DYNC2I1: variants seen among roughly 807,000 people sequenced by gnomAD.
DYNC2I1 encodes the protein dynein 2 intermediate chain 1.
In DYNC2I1, 89 loss-of-function variants were observed where a neutral mutation model predicts 133.4. The ratio of observed to expected loss-of-function variants is 0.67; its 90% confidence interval spans 0.56 to 0.80. The LOEUF (loss-of-function observed/expected upper bound fraction) is 0.80. Ranked by LOEUF, DYNC2I1 falls within the 30% of genes least tolerant of loss-of-function variation. The pLI, the probability that DYNC2I1 is intolerant of heterozygous loss-of-function variation, is 0.00. For synonymous variants in DYNC2I1, 504 were observed against 484.3 expected (o/e 1.04, Z -0.54); for missense variants, 1,291 against 1,314.5 (o/e 0.98, Z 0.28).
Position 158,955,221 on chromosome 7 carries a change from G to C in DYNC2I1, c.*57-1362G>C, listed in dbSNP as rs546372795. Among the ~76,000 whole-genome samples, 46 of 152,308 alleles carry C rather than the reference G, an allele frequency of 3.0e-4. No individual in the cohort carries two copies. In the South Asian group the frequency reaches 8.9e-3, roughly 30 times the overall value. ...TAACACTTTACTCTCTGTTCATGCC[G>C]TCTCTGCCCAGGCTGGTGCAGGAGA... is the stretch of plus-strand genomic sequence containing the variant. On this transcript the variant is annotated intron_variant and NMD_transcript_variant, in intron 4 of 4. Coordinates refer to the DYNC2I1 transcript ENST00000454771.
At chr7:158,940,943 C>T (rs1239417398) in intron 23 of DYNC2I1, among the ~76,000 whole-genome samples, 3 of 151,904 alleles carry the variant, frequency 2.0e-5, no homozygotes, top group Non-Finnish European at 4.4e-5. Flanking sequence ...CAAGAACAAA[C>T]CAAACTCAAA....
chr7:158,937,908 A>C (rs756331868), intron 23 of DYNC2I1, among the ~76,000 whole-genome samples: 6 of 152,186 alleles, frequency 3.9e-5, no homozygotes, highest in Non-Finnish European at 8.8e-5. Context: ...CTAAAAAGAA[A>C]AAAGAAAGGA....
chr7:158,955,318 C>T (rs1852172469), intron 4 of DYNC2I1, among the ~76,000 whole-genome samples: 2 of 152,166 alleles, frequency 1.3e-5, no homozygotes, highest in African/African-American at 2.4e-5. Context: ...CTGCAGGGAT[C>T]GCAGCTCTGA....
At chr7:158,877,056 G>A (rs1843421751) in intron 4 of DYNC2I1, among the ~76,000 whole-genome samples, 1 of 152,216 alleles carries the variant, frequency 6.6e-6, no homozygotes, top group Admixed American at 6.5e-5. Flanking sequence ...TGTTTTATAA[G>A]TTGTTTAAAC....
At chr7:158,908,134 G>A (rs1337257862) in intron 11 of DYNC2I1, among the ~76,000 whole-genome samples, 1 of 151,914 alleles carries the variant, frequency 6.6e-6, no homozygotes, top group Non-Finnish European at 1.5e-5. Context: ...ACGCGTGTGG[G>A]GTGAGTTCTG....
chr7:158,937,227 C>T (rs1218071932), intron 23 of DYNC2I1, among the ~76,000 whole-genome samples: 1 of 152,216 alleles, frequency 6.6e-6, no homozygotes, highest in Non-Finnish European at 1.5e-5. Context: ...AATCTTGGAA[C>T]TGAGAAACAT....
chr7:158,887,185 CA>C, intron 7 of DYNC2I1, 110 bp downstream of exon 7: 4 of 1,080,408 alleles, frequency 3.7e-6, no homozygotes, highest in Non-Finnish European at 5.6e-6. Flanking sequence ...GGCTCATTTG[CA>C]GATGGTTTAT....
downstream of DYNC2I1, among the ~76,000 whole-genome samples, chr7:158,948,577 C>T (rs1414374613): frequency 1.2e-5 from 1 of 85,322 alleles, no homozygotes; most frequent in Admixed American, 1.0e-4. Flanking sequence ...ACGGGAGGTG[C>T]TCAGTGAAGG....
downstream of DYNC2I1, among the ~76,000 whole-genome samples, chr7:158,947,532 G>GCT (rs1851925832): frequency 6.6e-6 from 1 of 152,200 alleles, no homozygotes; most frequent in Non-Finnish European, 1.5e-5. Context: ...GAGGCAGTCT[G>GCT]CTTGGGCTCA....
chr7:158,869,097 G>A (rs1387331678), intron 1 of DYNC2I1, among the ~76,000 whole-genome samples: 1 of 152,188 alleles, frequency 6.6e-6, no homozygotes, highest in Non-Finnish European at 1.5e-5. Context: ...GGAGACTTGA[G>A]GTTCAGGAGG....
intron 1 of DYNC2I1, among the ~76,000 whole-genome samples, chr7:158,857,737 C>T (rs1384587816): frequency 2.0e-5 from 3 of 150,230 alleles, no homozygotes; most frequent in Admixed American, 1.3e-4. Flanking sequence ...GAGGTTTCAC[C>T]GTGTTGGCCA....
At chr7:158,866,769 C>G (rs1363288479) in intron 1 of DYNC2I1, among the ~76,000 whole-genome samples, 4 of 151,918 alleles carry the variant, frequency 2.6e-5, no homozygotes, top group African/African-American at 7.3e-5. Context: ...CCTGTAATCC[C>G]AGCTACTCAG....
chr7:158,936,029 T>C (rs1216651860), intron 23 of DYNC2I1, among the ~76,000 whole-genome samples: 1 of 152,024 alleles, frequency 6.6e-6, no homozygotes, highest in Non-Finnish European at 1.5e-5. Flanking sequence ...CCGTCTCTAC[T>C]AAAAACATAA....
At chr7:158,900,132 T>TC (rs1348996344) in intron 8 of DYNC2I1, among the ~76,000 whole-genome samples, 1 of 151,242 alleles carries the variant, frequency 6.6e-6, no homozygotes, top group Non-Finnish European at 1.5e-5. Context: ...TTTTTTTTTT[T>TC]CTTTTTGAGA....
intron 8 of DYNC2I1, among the ~76,000 whole-genome samples, chr7:158,899,114 A>G (rs2129483263): frequency 6.6e-6 from 1 of 152,362 alleles, no homozygotes; most frequent in South Asian, 2.1e-4. Context: ...GGATTTGCAT[A>G]TAACCTATGC....
intron 8 of DYNC2I1, among the ~76,000 whole-genome samples, chr7:158,894,414 T>C (rs1845581394): frequency 6.6e-6 from 1 of 152,252 alleles, no homozygotes; most frequent in African/African-American, 2.4e-5. Context: ...TCATTGTAAG[T>C]TGCAGATTGT....
At chr7:158,880,366 G>A (rs1251610147) in intron 5 of DYNC2I1, among the ~76,000 whole-genome samples, 5 of 152,034 alleles carry the variant, frequency 3.3e-5, no homozygotes, top group Non-Finnish European at 7.4e-5. Flanking sequence ...GTGAAACCCC[G>A]TCTCTACTAA....
At position 158,856,830 on chromosome 7, in the gene DYNC2I1, G is replaced by A. The variant is rs549984368; in HGVS notation, c.15+80G>A. ...GGGCGCCGCTAGCAGCGCCGCCGCC[G>A]CCCTCCCTTTGCGCAGCGGTTCTCT... On this transcript the variant is annotated intron_variant, in intron 1 of 24. Coordinates refer to ENST00000407559, the MANE Select transcript of DYNC2I1 (RefSeq NM_018051.5). 3.3e-6 allele frequency: 4 copies of A among 1,212,698 alleles called. No individual in the cohort carries two copies. The South Asian group carries it at 1.3e-4, about 38-fold the overall frequency. The allele number at this position is 1,212,698 out of a possible 1,614,324, so 75.1% of individuals were successfully genotyped here.
chr7:158,877,305 T>C (rs1021192266), intron 4 of DYNC2I1, among the ~76,000 whole-genome samples: 1 of 151,158 alleles, frequency 6.6e-6, no homozygotes, highest in East Asian at 1.9e-4. Context: ...GATTGGTGTT[T>C]TGCGGTGCGG....
Sources: gnomAD v4.1 joint callset for allele counts (sites outside exome capture counted in the v4.1 genomes callset) on GRCh38, gnomAD v4.1.1 for gene constraint, MANE v1.5 for transcripts, NCBI Gene and HGNC (gene_info 2026-07-23, HGNC 2026-07-21) for gene names.